The following CIB1 variants were observed in gnomAD, a reference collection of about 807,000 sequenced individuals.
The protein encoded by CIB1 is calcium and integrin binding 1.
Under a neutral mutation model 25.0 loss-of-function variants are expected in CIB1, and 19 were observed. The ratio of observed to expected loss-of-function variants is 0.76; its 90% CI spans 0.53 to 1.12. The LOEUF (loss-of-function observed/expected upper bound fraction) is 1.12, where lower values mean the gene tolerates loss of function less well. Among genes scored for constraint, CIB1 ranks in the 50% most tolerant of loss-of-function variants. The probability of loss-of-function intolerance (pLI) is 0.00; values close to 1 mark genes in which losing one functional copy is unlikely to be tolerated. For synonymous variants in CIB1, 104 were observed against 98.5 expected (o/e 1.06, Z -0.33); for missense variants, 236 against 242.6 (o/e 0.97, Z 0.18).
the CIB1 span, chr15:90,255,910 T>C: frequency 3.7e-6 from 6 of 1,613,930 alleles, no homozygotes; most frequent in African/African-American, 2.7e-5. Flanking sequence ...CTTCCCATGC[T>C]GAGATACCAG....
chr15:90,264,953 A>C, the CIB1 span: 32 of 1,535,724 alleles, frequency 2.1e-5, no homozygotes, highest in Non-Finnish European at 2.6e-5. Flanking sequence ...CCTCAACATC[A>C]ATCAGTTCAG....
chr15:90,265,054 A>T, the CIB1 span: 1 of 1,422,552 alleles, frequency 7.0e-7, no homozygotes, highest in Non-Finnish European at 9.3e-7. Flanking sequence ...AATGACTGCC[A>T]CCAAGTTCCA....
chr15:90,232,309 A>G lies in CIB1; in HGVS notation c.105T>C (p.Cys35=). 2.5e-6 allele frequency: 4 copies of G among 1,609,966 alleles called. No homozygotes were observed. The highest frequency in any genetic ancestry group is 3.4e-6 in the Non-Finnish European group (4 of 1,177,052). Residue 35 remains cysteine (C), a synonymous_variant, in exon 3 of 7, where the codon TGT becomes TGC. Coordinates refer to ENST00000328649, the MANE Select transcript of CIB1 (RefSeq NM_006384.4). ...TCCGCTGCTCCTGGGGAAGCAGCTC[A>G]CAAAACCGCCTGTGGGCTCTGGTAG... The part of the protein sequence containing the change: ...QEILLAHRRF[C]ELLPQEQRSV...
At chr15:90,257,834 C>G in the CIB1 span, 2 of 1,109,236 alleles carry the variant, frequency 1.8e-6, no homozygotes, top group Admixed American at 4.0e-5. Flanking sequence ...GAAACTCAGC[C>G]TTTATAGACC....
the CIB1 span, chr15:90,257,406 G>T: frequency 7.3e-7 from 1 of 1,376,726 alleles, no homozygotes; most frequent in Admixed American, 2.4e-5. Context: ...AAGAGCTGCA[G>T]CATCTAGCTG....
the CIB1 span, chr15:90,264,971 C>T: frequency 1.3e-6 from 2 of 1,532,890 alleles, no homozygotes; most frequent in South Asian, 1.2e-5. Flanking sequence ...CAGGTAAAAG[C>T]AGGAGGGAAG....
the CIB1 span, chr15:90,259,098 C>T: frequency 3.5e-6 from 5 of 1,412,316 alleles, no homozygotes; most frequent in Non-Finnish European, 4.6e-6. Context: ...CTTGGTGGCT[C>T]ATATCTGTAA....
At chr15:90,265,182 G>T in the CIB1 span, 1 of 1,321,618 alleles carries the variant, frequency 7.6e-7, no homozygotes, top group East Asian at 2.7e-5. Context: ...ATGAAGAGGC[G>T]CCAAGGCCAG....
the CIB1 span, among the ~76,000 whole-genome samples, chr15:90,246,011 C>A: frequency 6.6e-6 from 1 of 152,122 alleles, no homozygotes; most frequent in East Asian, 1.9e-4. Flanking sequence ...CGGTGGCACA[C>A]TCCTGTAATC....
chr15:90,251,469 G>C, the CIB1 span: 6 of 1,351,438 alleles, frequency 4.4e-6, no homozygotes, highest in Non-Finnish European at 6.4e-6. Context: ...AAGGAATTGT[G>C]TTGTGAATTT....
chr15:90,253,935 T>C, the CIB1 span, among the ~76,000 whole-genome samples: 2 of 152,020 alleles, frequency 1.3e-5, no homozygotes, highest in African/African-American at 4.8e-5. Flanking sequence ...AGGCAGGAAG[T>C]TGAGGAAATT....
chr15:90,232,877 C>T (rs1001472106), intron 2 of CIB1, among the ~76,000 whole-genome samples: 1 of 151,382 alleles, frequency 6.6e-6, no homozygotes, highest in African/African-American at 2.4e-5. Flanking sequence ...CTGCAGTGAG[C>T]CAAGATCGTG....
chr15:90,264,163 T>C, the CIB1 span: 1 of 702,628 alleles, frequency 1.4e-6, no homozygotes. Context: ...TCCACCAGTG[T>C]AAGAATGGGG....
At chr15:90,232,830 C>T (rs1298549950) in intron 2 of CIB1, among the ~76,000 whole-genome samples, 2 of 40,922 alleles carry the variant, frequency 4.9e-5, no homozygotes, top group African/African-American at 1.4e-4. Context: ...CACTTGAACC[C>T]GGAGGCAGGA....
upstream of CIB1, among the ~76,000 whole-genome samples, chr15:90,234,799 C>T (rs78020548): frequency 1.1e-3 from 166 of 152,286 alleles, 2 homozygotes; most frequent in East Asian, 0.031. Context: ...CTCTTGTCCC[C>T]TCTTAACCTC....
At chr15:90,255,934 G>A in the CIB1 span, 3 of 1,612,988 alleles carry the variant, frequency 1.9e-6, no homozygotes, top group Non-Finnish European at 2.5e-6. Context: ...GAGGAAAAGG[G>A]TCGCTCTCAG....
chr15:90,264,755 C>T, the CIB1 span: 1 of 1,535,968 alleles, frequency 6.5e-7, no homozygotes, highest in Non-Finnish European at 8.7e-7. Flanking sequence ...AGCCATAAAC[C>T]GAGTCCTGGC....
Position 90,230,984 on chromosome 15 carries a change from G to A in CIB1, c.504C>T (p.Ile168=). 1.2e-6 allele frequency: 2 copies of A among 1,614,188 alleles called. No individual in the cohort carries two copies. Among genetic ancestry groups the A allele is most frequent in the South Asian group, 2.2e-5 (2 of 91,086 alleles). The stretch of plus-strand genomic sequence containing the variant: ...TGACGTGCTGGAACTCAGAGAGGTT[G>A]ATGGTTCCATCCCTGTCAATGTCAG... ...EESDIDRDGT[I]NLSEFQHVIS... Residue 168 remains isoleucine (I), a synonymous_variant, in exon 6 of 7, where the codon ATC becomes ATT. Coordinates refer to ENST00000328649, the MANE Select transcript of CIB1 (RefSeq NM_006384.4).
chr15:90,230,380 T>C lies in CIB1; in HGVS notation c.*104A>G. On this transcript the variant is annotated 3_prime_UTR_variant, in exon 7 of 7. Transcript: ENST00000328649. ...AGGCTGCACAGCGCCAGCTCCAGGC[T>C]GGGCCAGCTTGGCCCGCACTGGCAA... The C allele has an allele frequency of 7.2e-7, 1 of 1,383,188 alleles. No individual in the cohort carries two copies. 85.7% of individuals were successfully genotyped at this position (1,383,188 alleles called of 1,614,324 possible).
Sources: gnomAD v4.1 joint callset for allele counts (sites outside exome capture counted in the v4.1 genomes callset) on GRCh38, gnomAD v4.1.1 for gene constraint, MANE v1.5 for transcripts, NCBI Gene and HGNC (gene_info 2026-07-23, HGNC 2026-07-21) for gene names.